The following UBE3D variants were observed in gnomAD, a reference collection of about 807,000 sequenced individuals.
UBE3D encodes the protein E3 ubiquitin-protein ligase E3D.
A neutral mutation model predicts 49.6 loss-of-function variants in UBE3D; 48 were observed. The ratio of observed to expected loss-of-function variants is 0.97; its 90% CI spans 0.77 to 1.23. UBE3D has a LOEUF of 1.23. UBE3D is among the 50% of genes most tolerant of loss of function. UBE3D has a pLI of 0.00. For synonymous variants in UBE3D, 189 were observed against 174.2 expected (o/e 1.08, Z -0.67); for missense variants, 452 against 468.4 (o/e 0.96, Z 0.32).
intron 9 of UBE3D, among the ~76,000 whole-genome samples, chr6:82,898,347 T>C (rs1309939046): frequency 2.0e-5 from 3 of 152,190 alleles, no homozygotes; most frequent in Admixed American, 6.5e-5. Flanking sequence ...CAAAGGACTA[T>C]AAATCATTCT....
At chr6:83,006,099 C>A (rs188674043) in intron 8 of UBE3D, among the ~76,000 whole-genome samples, 8 of 152,284 alleles carry the variant, frequency 5.3e-5, no homozygotes, top group Non-Finnish European at 1.2e-4. Flanking sequence ...ATGGCTCACG[C>A]CTGTAATCCC....
intron 9 of UBE3D, among the ~76,000 whole-genome samples, chr6:82,912,987 G>A (rs1772636198): frequency 6.6e-6 from 1 of 152,122 alleles, no homozygotes; most frequent in Non-Finnish European, 1.5e-5. Context: ...CTACCTGCAG[G>A]CAGATTCACT....
chr6:82,999,212 C>G (rs1779446964), intron 8 of UBE3D, among the ~76,000 whole-genome samples: 1 of 152,104 alleles, frequency 6.6e-6, no homozygotes, highest in Non-Finnish European at 1.5e-5. Context: ...CCAGCCACTC[C>G]AATACTGATC....
chr6:82,902,511 AT>A (rs781541605), intron 9 of UBE3D, among the ~76,000 whole-genome samples: 23 of 152,202 alleles, frequency 1.5e-4, no homozygotes, highest in Non-Finnish European at 2.6e-4. Context: ...AGTCAAAAAA[AT>A]CTCAAAAGGT....
chr6:82,986,197 G>T (rs985684985), intron 8 of UBE3D, among the ~76,000 whole-genome samples: 1 of 151,932 alleles, frequency 6.6e-6, no homozygotes, highest in Non-Finnish European at 1.5e-5. Flanking sequence ...GTAATGGCGG[G>T]CGTGGTGGCT....
intron 8 of UBE3D, among the ~76,000 whole-genome samples, chr6:82,986,353 C>A (rs1286973614): frequency 1.3e-5 from 2 of 151,318 alleles, no homozygotes; most frequent in African/African-American, 4.9e-5. Context: ...TGCCTGTAAT[C>A]CGACCTACTC....
rs527376482 is a variant in UBE3D at position 83,013,232 on chromosome 6, T to C, written c.1010+5741A>G. Among the ~76,000 whole-genome samples the C allele has an allele frequency of 2.0e-5, 3 of 152,318 alleles. No homozygotes were observed. The South Asian group carries it at 6.2e-4, about 32-fold the overall frequency. On this transcript the variant is annotated intron_variant, in intron 8 of 9. Coordinates refer to ENST00000369747, the MANE Select transcript of UBE3D (RefSeq NM_198920.3). ...TTCAGGTCACATTGTGACTTGATGA[T>C]TCATAGTCAAATATCCAGTTTTCAC...
intron 4 of UBE3D, among the ~76,000 whole-genome samples, chr6:83,041,647 G>C (rs975615921): frequency 7.2e-5 from 11 of 152,140 alleles, no homozygotes; most frequent in Admixed American, 3.3e-4. Context: ...TCTTATACTT[G>C]TGAATACTTA....
At chr6:83,013,602 A>C (rs554314051) in intron 8 of UBE3D, among the ~76,000 whole-genome samples, 1 of 152,270 alleles carries the variant, frequency 6.6e-6, no homozygotes, top group Admixed American at 6.5e-5. Context: ...GTTGCCTCCA[A>C]AATCTTACTA....
intron 3 of UBE3D, among the ~76,000 whole-genome samples, chr6:83,050,099 T>C (rs1783367766): frequency 6.6e-6 from 1 of 152,178 alleles, no homozygotes; most frequent in Admixed American, 6.5e-5. Context: ...TAAGAACATG[T>C]GACCTTAAAT....
At chr6:82,948,932 A>C (rs1226749330) in intron 9 of UBE3D, among the ~76,000 whole-genome samples, 1 of 152,042 alleles carries the variant, frequency 6.6e-6, no homozygotes, top group East Asian at 1.9e-4. Context: ...ATGGGGAAAA[A>C]CTAAAAGTCT....
rs151239475 is a variant in UBE3D at position 82,994,648 on chromosome 6, A to G, written c.1010+24325T>C. Among the ~76,000 whole-genome samples the G allele has an allele frequency of 7.9e-5, 12 of 152,322 alleles. No individual in the cohort carries two copies. In the East Asian group the frequency reaches 1.9e-3, roughly 25 times the overall value. ...CAAACACCTGAACTAGGTTGATGCA[A>G]TGATGAAGAGAAAAGAAAGAATGGA... On this transcript the variant is annotated intron_variant, in intron 8 of 9. Transcript: ENST00000369747.
chr6:82,941,453 T>C (rs1158453437), intron 9 of UBE3D, among the ~76,000 whole-genome samples: 1 of 152,014 alleles, frequency 6.6e-6, no homozygotes, highest in East Asian at 1.9e-4. Flanking sequence ...AAAAAAAGAG[T>C]GCAGAGATAA....
chr6:82,952,188 C>A (rs528693299), intron 9 of UBE3D, among the ~76,000 whole-genome samples: 2 of 152,020 alleles, frequency 1.3e-5, no homozygotes, highest in South Asian at 4.1e-4. Context: ...TAGGGGTTCT[C>A]GAGCCAGGCC....
chr6:83,058,244 T>C (rs933641746), intron 1 of UBE3D, among the ~76,000 whole-genome samples: 1 of 152,190 alleles, frequency 6.6e-6, no homozygotes, highest in African/African-American at 2.4e-5. Flanking sequence ...ATGCAAGTCC[T>C]GGGACAGATT....
chr6:82,923,530 A>C (rs1773515165), intron 9 of UBE3D, among the ~76,000 whole-genome samples: 1 of 151,714 alleles, frequency 6.6e-6, no homozygotes, highest in Non-Finnish European at 1.5e-5. Flanking sequence ...GGACACAGAG[A>C]GGGGAACATC....
At chr6:83,005,287 C>T (rs1042017339) in intron 8 of UBE3D, among the ~76,000 whole-genome samples, 4 of 151,640 alleles carry the variant, frequency 2.6e-5, no homozygotes, top group Non-Finnish European at 1.5e-5. Context: ...GATATCACCT[C>T]ACATCCATTA....
At chr6:82,925,524 G>A (rs1461591437) in intron 9 of UBE3D, among the ~76,000 whole-genome samples, 1 of 152,098 alleles carries the variant, frequency 6.6e-6, no homozygotes, top group Non-Finnish European at 1.5e-5. Flanking sequence ...GGAAACATGG[G>A]GAATCCATCC....
At chr6:82,893,166 A>G in intron 9 of UBE3D, 124 bp from the exon 10 acceptor site, 1 of 1,123,892 alleles carries the variant, frequency 8.9e-7, no homozygotes, top group Non-Finnish European at 1.3e-6. Flanking sequence ...TAAACAGAAA[A>G]ATGACTCTTA....
Sources: allele counts gnomAD v4.1 joint callset (sites outside exome capture counted in the v4.1 genomes callset), GRCh38; gene constraint gnomAD v4.1.1; transcripts MANE v1.5; gene names NCBI Gene and HGNC (gene_info 2026-07-23, HGNC 2026-07-21).